The following ADAMTS16 variants were observed in gnomAD, a reference collection of about 807,000 sequenced individuals.
ADAMTS16 encodes A disintegrin and metalloproteinase with thrombospondin motifs 16.
ADAMTS16 carries 94 observed loss-of-function variants against 145.8 expected under a neutral mutation model. The ratio of observed to expected loss-of-function variants is 0.64; its 90% CI spans 0.55 to 0.77. The LOEUF is 0.77. Among genes scored for constraint, ADAMTS16 ranks in the 30% least tolerant of loss-of-function variants. ADAMTS16 has a pLI of 0.00. For missense variants in ADAMTS16, 1,585 were observed against 1,591.5 expected (o/e 1.00, Z 0.07); for synonymous variants, 659 against 604.3 (o/e 1.09, Z -1.33).
At position 5,235,068 on chromosome 5, in the gene ADAMTS16, C is replaced by A; in HGVS notation, c.1905C>A (p.Cys635Ter). The A allele has an allele frequency of 1.9e-6, 3 of 1,604,452 alleles. No homozygotes were observed. The highest frequency in any genetic ancestry group is 1.7e-6 in the Non-Finnish European group (2 of 1,172,274). Residue 635 changes from cysteine to a stop codon, truncating the protein, a stop_gained, in exon 13 of 23, where the codon TGC becomes TGA. Transcript: ENST00000274181. LOFTEE classifies it high-confidence loss of function. ...GCTCCACTCGCACTCTGAAGCTCTG[C>A]AACAGTCAGAAATGTCCCCGGGACA... is the stretch of plus-strand genomic sequence containing the variant. Reference protein sequence around the residue: ...CEGSTRTLKLCNSQKCPRDSV... With the variant: ...CEGSTRTLKL
intron 17 of ADAMTS16, among the ~76,000 whole-genome samples, chr5:5,248,273 A>T (rs1309470051): frequency 6.6e-6 from 1 of 152,214 alleles, no homozygotes; most frequent in Non-Finnish European, 1.5e-5. Context: ...TTCAGACTTA[A>T]GACTCTTCTT....
chr5:5,190,156 G>C, intron 7 of ADAMTS16, 26 bp downstream of exon 7: 1 of 1,548,358 alleles, frequency 6.5e-7, no homozygotes, highest in Admixed American at 2.0e-5. Context: ...AGAGTGTGAG[G>C]ACCGTGTGTG....
chr5:5,178,209 T>C (rs1285370103), intron 3 of ADAMTS16, among the ~76,000 whole-genome samples: 2 of 152,164 alleles, frequency 1.3e-5, no homozygotes, highest in Non-Finnish European at 2.9e-5. Context: ...GCAATATAAG[T>C]GTTTGGTGAG....
At chr5:5,164,009 A>T (rs1734801869) in intron 3 of ADAMTS16, among the ~76,000 whole-genome samples, 1 of 152,148 alleles carries the variant, frequency 6.6e-6, no homozygotes, top group African/African-American at 2.4e-5. Flanking sequence ...GTCCTTTATC[A>T]CACCCCACCC....
chr5:5,238,004 T>C (rs1386581442), intron 14 of ADAMTS16, among the ~76,000 whole-genome samples: 1 of 152,234 alleles, frequency 6.6e-6, no homozygotes, highest in East Asian at 1.9e-4. Flanking sequence ...ACATCTTTTC[T>C]AGTTCTCGCT....
chr5:5,313,460 T>A (rs1027947708), intron 21 of ADAMTS16, among the ~76,000 whole-genome samples: 3 of 152,222 alleles, frequency 2.0e-5, no homozygotes, highest in African/African-American at 7.2e-5. Context: ...CATTTGGGCT[T>A]AGTGTCAGGT....
intron 10 of ADAMTS16, among the ~76,000 whole-genome samples, chr5:5,216,101 T>C (rs191962900): frequency 5.5e-4 from 83 of 152,028 alleles, no homozygotes; most frequent in Admixed American, 1.6e-3. Flanking sequence ...CTTTTAGTTC[T>C]TTAAGGAATC....
chr5:5,309,533 C>T (rs1349519331), intron 21 of ADAMTS16, among the ~76,000 whole-genome samples: 2 of 152,122 alleles, frequency 1.3e-5, no homozygotes, highest in African/African-American at 2.4e-5. Flanking sequence ...GAGCGGGTCC[C>T]GGCAGCTACT....
chr5:5,200,421 T>C lies in ADAMTS16; in HGVS notation c.1451+152T>C, dbSNP rs528148719. 65 of 1,052,968 alleles carry C rather than the reference T, an allele frequency of 6.2e-5. 1 individual carries two copies. In the South Asian group the frequency reaches 1.1e-3, roughly 18 times the overall value. 65.2% of individuals were successfully genotyped at this position (1,052,968 alleles called of 1,614,324 possible). ...GAGACATTCAGTTGACCGAAGAGTT[T>C]GCTAAAAATCTCCTTAGAGCATGGA... On this transcript the variant is annotated intron_variant, in intron 9 of 22. Transcript: ENST00000274181.
chr5:5,162,297 T>C (rs954557431), intron 3 of ADAMTS16, among the ~76,000 whole-genome samples: 6 of 152,224 alleles, frequency 3.9e-5, no homozygotes, highest in African/African-American at 1.4e-4. Context: ...AGAAACATTT[T>C]TATTCCTATT....
chr5:5,264,748 T>C (rs1213322227), intron 18 of ADAMTS16, among the ~76,000 whole-genome samples: 2 of 151,240 alleles, frequency 1.3e-5, no homozygotes, highest in African/African-American at 4.9e-5. Flanking sequence ...CCACAGTTCC[T>C]GAACCACCAC....
At chr5:5,210,155 C>G (rs1011605836) in intron 10 of ADAMTS16, among the ~76,000 whole-genome samples, 4 of 152,234 alleles carry the variant, frequency 2.6e-5, no homozygotes, top group Admixed American at 2.0e-4. Flanking sequence ...TCAATACTGC[C>G]TTTTCTTATG....
chr5:5,303,199 C>G (rs1387495345), intron 18 of ADAMTS16, 69 bp from the exon 19 acceptor site: 1 of 1,441,524 alleles, frequency 6.9e-7, no homozygotes, highest in Non-Finnish European at 9.2e-7. Context: ...GCCTCCACAT[C>G]AGATGTGGGG....
At chr5:5,267,080 T>C (rs997075754) in intron 18 of ADAMTS16, among the ~76,000 whole-genome samples, 1 of 152,094 alleles carries the variant, frequency 6.6e-6, no homozygotes, top group Non-Finnish European at 1.5e-5. Context: ...AGCTCCCTTT[T>C]CCCCCTCGCA....
At chr5:5,253,197 A>T (rs1187987499) in intron 17 of ADAMTS16, among the ~76,000 whole-genome samples, 1 of 152,228 alleles carries the variant, frequency 6.6e-6, no homozygotes, top group Non-Finnish European at 1.5e-5. Flanking sequence ...AGCCTCAGAA[A>T]GTCCTGAGAC....
At chr5:5,307,506 T>C (rs1323805686) in intron 21 of ADAMTS16, among the ~76,000 whole-genome samples, 3 of 152,120 alleles carry the variant, frequency 2.0e-5, no homozygotes, top group East Asian at 1.9e-4. Context: ...CGGAAGGGAA[T>C]AGGAGTGACT....
chr5:5,233,688 C>A (rs1051157821), intron 12 of ADAMTS16, among the ~76,000 whole-genome samples: 1 of 152,118 alleles, frequency 6.6e-6, no homozygotes, highest in Non-Finnish European at 1.5e-5. Flanking sequence ...TTTTTTATGG[C>A]TGCATGGTAT....
intron 3 of ADAMTS16, among the ~76,000 whole-genome samples, chr5:5,161,791 C>T (rs547065815): frequency 6.6e-6 from 1 of 152,318 alleles, no homozygotes; most frequent in Admixed American, 6.5e-5. Context: ...GAAGAGCAGA[C>T]ACATTCTTTG....
At chr5:5,282,618 G>GCC (rs1389451114) in intron 18 of ADAMTS16, among the ~76,000 whole-genome samples, 3 of 152,172 alleles carry the variant, frequency 2.0e-5, no homozygotes, top group Non-Finnish European at 4.4e-5. Context: ...AACAGGGAAA[G>GCC]CCCACCTCTC....
Sources: gnomAD v4.1 joint callset for allele counts (sites outside exome capture counted in the v4.1 genomes callset) on GRCh38, gnomAD v4.1.1 for gene constraint, MANE v1.5 for transcripts, NCBI Gene and HGNC (gene_info 2026-07-23, HGNC 2026-07-21) for gene names.